ADCY2: variants seen among roughly 807,000 people sequenced by gnomAD.
The protein encoded by ADCY2 is adenylate cyclase type 2.
ADCY2 carries 31 observed loss-of-function variants against 125.2 expected under a neutral mutation model. That is an observed-to-expected ratio of 0.25 (90% CI 0.19 to 0.33). The LOEUF is 0.33. ADCY2 is among the 10% of genes least tolerant of loss of function. The probability of loss-of-function intolerance (pLI) is 1.00; values close to 1 mark genes in which losing one functional copy is unlikely to be tolerated. For missense variants in ADCY2, 904 were observed against 1,418.2 expected, an observed-to-expected ratio of 0.64 and a Z score of 5.82; for synonymous variants, 512 against 548.4, an observed-to-expected ratio of 0.93 and a Z score of 0.93.
intron 7 of ADCY2, among the ~76,000 whole-genome samples, chr5:7,700,266 G>T (rs1364891164): frequency 1.3e-5 from 2 of 152,148 alleles, no homozygotes; most frequent in Non-Finnish European, 2.9e-5. Flanking sequence ...ATATAGGATA[G>T]TGATATCATT....
chr5:7,483,304 G>A (rs1210661192), intron 2 of ADCY2, among the ~76,000 whole-genome samples: 3 of 151,816 alleles, frequency 2.0e-5, no homozygotes, highest in South Asian at 4.2e-4. Flanking sequence ...ATTATGTATC[G>A]AAAAATTTTG....
At chr5:7,479,840 T>C (rs252545) in intron 2 of ADCY2, among the ~76,000 whole-genome samples, 112,217 of 152,040 alleles carry the variant, frequency 0.74, 41,572 homozygotes, top group Middle Eastern at 0.8. Flanking sequence ...TGGGTGAGAA[T>C]GTGCAAAGTT....
intron 23 of ADCY2, among the ~76,000 whole-genome samples, chr5:7,817,988 A>G (rs780778762): frequency 5.3e-5 from 8 of 152,168 alleles, no homozygotes; most frequent in Non-Finnish European, 1.2e-4. Flanking sequence ...GTTTTAAGCC[A>G]TCAAGTCAAC....
chr5:7,762,201 C>T (rs1027331265), intron 16 of ADCY2, among the ~76,000 whole-genome samples: 2 of 152,220 alleles, frequency 1.3e-5, no homozygotes, highest in African/African-American at 4.8e-5. Flanking sequence ...TACCTGGTGC[C>T]ATGAACCACA....
intron 14 of ADCY2, among the ~76,000 whole-genome samples, chr5:7,730,353 C>T (rs367731535): frequency 1.3e-5 from 2 of 152,050 alleles, no homozygotes; most frequent in East Asian, 3.8e-4. Flanking sequence ...ATGCTTAATT[C>T]AATACATTCT....
chr5:7,553,283 C>T (rs1221590172), intron 3 of ADCY2, among the ~76,000 whole-genome samples: 1 of 152,212 alleles, frequency 6.6e-6, no homozygotes, highest in African/African-American at 2.4e-5. Flanking sequence ...AGTGTTGCAG[C>T]TCATTACATG....
At chr5:7,652,570 A>G (rs1034552459) in intron 4 of ADCY2, among the ~76,000 whole-genome samples, 8 of 152,238 alleles carry the variant, frequency 5.3e-5, no homozygotes, top group Non-Finnish European at 1.0e-4. Context: ...TATAATTGTT[A>G]TCAGTTGAAT....
chr5:7,420,217 G>C (rs1740140811), intron 2 of ADCY2, among the ~76,000 whole-genome samples: 1 of 152,148 alleles, frequency 6.6e-6, no homozygotes, highest in South Asian at 2.1e-4. Context: ...CCAGTTCCGA[G>C]CCTGAGAAGC....
At chr5:7,629,902 G>A (rs1178526451) in intron 4 of ADCY2, among the ~76,000 whole-genome samples, 10 of 152,210 alleles carry the variant, frequency 6.6e-5, no homozygotes, top group Non-Finnish European at 2.9e-5. Context: ...AATAAATGCT[G>A]TTTCCGTAGG....
At position 7,828,393 on chromosome 5, in the gene ADCY2, G is replaced by A. The variant is rs548310899; in HGVS notation, c.*1522G>A. ...ACACATCTCTTAGTCCCTCTTAGGA[G>A]TACTTTCCTTATTGGCAACTTATGG... On this transcript the variant is annotated 3_prime_UTR_variant, in exon 25 of 25. Transcript: ENST00000338316. 6.6e-6 allele frequency: 1 copy of A among 152,290 alleles called. No individual in the cohort carries two copies. The highest frequency in any genetic ancestry group is 1.5e-5 in the Non-Finnish European group (1 of 68,012). 9.4% of individuals were successfully genotyped at this position (152,290 alleles called of 1,614,324 possible). A position where few individuals can be genotyped will look rare whatever the true frequency, so the allele number is the denominator to read the frequency against.
intron 2 of ADCY2, among the ~76,000 whole-genome samples, chr5:7,452,371 TAA>T (rs1355322187): frequency 6.6e-6 from 1 of 152,232 alleles, no homozygotes; most frequent in Admixed American, 6.5e-5. Flanking sequence ...TTTCCATTCT[TAA>T]GTTACTTCCC....
intron 3 of ADCY2, among the ~76,000 whole-genome samples, chr5:7,557,363 T>C (rs1735558973): frequency 6.6e-6 from 1 of 151,878 alleles, no homozygotes; most frequent in Admixed American, 6.6e-5. Context: ...CCTCACAACA[T>C]GTTTGTTTGT....
chr5:7,477,310 A>C (rs780106527), intron 2 of ADCY2, among the ~76,000 whole-genome samples: 3 of 152,256 alleles, frequency 2.0e-5, no homozygotes, highest in Non-Finnish European at 4.4e-5. Context: ...ATTCTAGCCT[A>C]GTTTCTCATA....
intron 20 of ADCY2, chr5:7,800,924 C>T (rs934956863): frequency 1.1e-4 from 17 of 152,152 alleles, no homozygotes; most frequent in African/African-American, 3.9e-4. Flanking sequence ...CAATTCTGCA[C>T]AAGAAACCAG....
intron 2 of ADCY2, among the ~76,000 whole-genome samples, chr5:7,488,336 C>A (rs1442322193): frequency 5.9e-5 from 9 of 152,120 alleles, no homozygotes; most frequent in African/African-American, 1.4e-4. Context: ...GCTGTGAGTC[C>A]ATTAAACCTC....
chr5:7,498,239 GTTTTTTTTTTTTTTT>G (rs910360437), intron 2 of ADCY2, among the ~76,000 whole-genome samples: 3 of 62,114 alleles, frequency 4.8e-5, no homozygotes, highest in Middle Eastern at 0.013. Context: ...TTCTTTTTTC[GTTTTTTTTTTTTTTT>G]TTTTTTTTTT....
intron 4 of ADCY2, among the ~76,000 whole-genome samples, chr5:7,650,379 A>G (rs904936602): frequency 3.3e-5 from 5 of 152,214 alleles, no homozygotes; most frequent in Non-Finnish European, 5.9e-5. Flanking sequence ...TGCCATTACC[A>G]TAAATATTAA....
At chr5:7,460,845 G>A (rs1391642830) in intron 2 of ADCY2, among the ~76,000 whole-genome samples, 1 of 152,210 alleles carries the variant, frequency 6.6e-6, no homozygotes, top group Non-Finnish European at 1.5e-5. Flanking sequence ...GGTGATGGGA[G>A]TGGCCTGGAA....
At chr5:7,766,918 G>A (rs1412951878) in intron 17 of ADCY2, 112 bp downstream of exon 17, 6 of 1,344,776 alleles carry the variant, frequency 4.5e-6, no homozygotes, top group Admixed American at 2.9e-5. Flanking sequence ...TTCCTCTCTG[G>A]TATCAATCCC....
Sources: gnomAD v4.1 joint callset for allele counts (sites outside exome capture counted in the v4.1 genomes callset) on GRCh38, gnomAD v4.1.1 for gene constraint, MANE v1.5 for transcripts, NCBI Gene and HGNC (gene_info 2026-07-23, HGNC 2026-07-21) for gene names.